Variants in KAT14 observed in about 807,000 individuals in gnomAD.
KAT14 encodes cysteine-rich protein 2-binding protein.
In KAT14, 66 loss-of-function variants were observed where a neutral mutation model predicts 78.4. That is an observed-to-expected ratio of 0.84 (90% CI 0.69 to 1.03). The LOEUF (loss-of-function observed/expected upper bound fraction) is 1.03. KAT14 is among the 50% of genes least tolerant of loss of function. KAT14 has a pLI of 0.00. For synonymous variants in KAT14, 344 were observed against 359.4 expected (o/e 0.96, Z 0.48); for missense variants, 870 against 972.5 (o/e 0.89, Z 1.40).
chr20:18,137,217 C>T (rs182694463), upstream of KAT14, among the ~76,000 whole-genome samples: 382 of 152,200 alleles, frequency 2.5e-3, 7 homozygotes, highest in Middle Eastern at 0.034. Flanking sequence ...TCGCTTGAAT[C>T]CGGTAAGGTT....
chr20:18,184,227 G>C (rs1267754535), intron 9 of KAT14, among the ~76,000 whole-genome samples: 3 of 152,168 alleles, frequency 2.0e-5, no homozygotes, highest in Non-Finnish European at 4.4e-5. Flanking sequence ...ACTTAACCCT[G>C]TCAGGTCTAG....
intron 5 of KAT14, among the ~76,000 whole-genome samples, chr20:18,161,011 C>G (rs904339780): frequency 6.6e-6 from 1 of 151,938 alleles, no homozygotes; most frequent in Admixed American, 6.5e-5. Context: ...CCCATCTGTA[C>G]AAAAATACAA....
intron 7 of KAT14, among the ~76,000 whole-genome samples, chr20:18,172,165 G>T (rs1270793737): frequency 3.4e-5 from 5 of 145,928 alleles, no homozygotes; most frequent in Non-Finnish European, 7.5e-5. Flanking sequence ...GCAGTGGTGC[G>T]ATCTCGGCTT....
At chr20:18,178,854 G>A (rs1167349329) in intron 7 of KAT14, among the ~76,000 whole-genome samples, 1 of 152,192 alleles carries the variant, frequency 6.6e-6, no homozygotes. Flanking sequence ...TAACCCGAAA[G>A]TCCATAGTCC....
chr20:18,183,851 A>G (rs867700780), intron 9 of KAT14, among the ~76,000 whole-genome samples: 26 of 152,258 alleles, frequency 1.7e-4, no homozygotes, highest in African/African-American at 6.0e-4. Context: ...ATTGCTAAAT[A>G]TAAACTATTC....
chr20:18,183,503 T>C (rs1184867863), intron 9 of KAT14: 7 of 984,790 alleles, frequency 7.1e-6, no homozygotes, highest in Non-Finnish European at 8.4e-6. Context: ...TGTTTTTGTT[T>C]GTTTCTCTTC....
chr20:18,138,273 C>A, intron 1 of KAT14: 2 of 1,221,262 alleles, frequency 1.6e-6, no homozygotes, highest in South Asian at 3.5e-5. Flanking sequence ...AGATTCAGGA[C>A]GACCCGGCTG....
chr20:18,142,189 C>G lies in KAT14; in HGVS notation c.-453-19C>G. ...CACCTGTTCGGGATGTTACTGAAAT[C>G]TGTTTCTTACGTTTTTAGAGGCTTC... On this transcript the variant is annotated intron_variant, in intron 1 of 10. Transcript: ENST00000688188. 1 of 1,534,204 alleles carries G rather than the reference C, an allele frequency of 6.5e-7. No individual in the cohort carries two copies. Among genetic ancestry groups the G allele is most frequent in the South Asian group, 1.2e-5 (1 of 83,718 alleles).
intron 3 of KAT14, among the ~76,000 whole-genome samples, chr20:18,148,493 T>C (rs1208913457): frequency 1.3e-5 from 2 of 152,186 alleles, no homozygotes; most frequent in East Asian, 3.9e-4. Flanking sequence ...ATATACTGAG[T>C]ACCTGCCAGC....
chr20:18,184,013 A>G (rs929337380), intron 9 of KAT14, among the ~76,000 whole-genome samples: 1 of 152,346 alleles, frequency 6.6e-6, no homozygotes, highest in East Asian at 1.9e-4. Context: ...AGCTGCACTC[A>G]TTCTTTTGGG....
At position 18,142,783 on chromosome 20, in the gene KAT14, A is replaced by G; in HGVS notation, c.123A>G (p.Glu41=). The G allele has an allele frequency of 6.2e-7, 1 of 1,614,218 alleles. No individual in the cohort carries two copies. Among genetic ancestry groups the G allele is most frequent in the South Asian group, 1.1e-5 (1 of 91,082 alleles). ...AGGGAGAGACGCTCCTGATCGTCGAATCCGAGGATCAGGCATCAGTGGACT... is the reference window on the plus strand; with the variant it reads ...AGGGAGAGACGCTCCTGATCGTCGAGTCCGAGGATCAGGCATCAGTGGACT... ...EVEGETLLIV[E]SEDQASVDLS... Residue 41 remains glutamate (E), a synonymous_variant, in exon 2 of 11, where the codon GAA becomes GAG. Coordinates refer to ENST00000688188, the MANE Select transcript of KAT14 (RefSeq NM_001392073.1).
At chr20:18,176,264 G>A (rs1385233022) in intron 7 of KAT14, among the ~76,000 whole-genome samples, 1 of 139,140 alleles carries the variant, frequency 7.2e-6, no homozygotes, top group African/African-American at 2.7e-5. Context: ...TGACACCTCT[G>A]CATTCCAGCT....
intron 10 of KAT14, among the ~76,000 whole-genome samples, chr20:18,185,529 A>T (rs553981326): frequency 7.6e-4 from 116 of 152,306 alleles, no homozygotes; most frequent in Non-Finnish European, 1.4e-3. Flanking sequence ...GATAGTTTGT[A>T]ATTTTACTAT....
chr20:18,138,226 C>T (rs2037373652), intron 1 of KAT14, 175 bp downstream of exon 1: 4 of 1,254,966 alleles, frequency 3.2e-6, no homozygotes, highest in Non-Finnish European at 4.0e-6. Flanking sequence ...TGCTGGGCTC[C>T]GGGCGCTGCA....
At chr20:18,160,378 G>C (rs1205230) in intron 5 of KAT14, among the ~76,000 whole-genome samples, 149,684 of 152,314 alleles carry the variant, frequency 0.98, 73,554 homozygotes, top group East Asian at 1. Flanking sequence ...CATTTTCTTA[G>C]TTTTTTAAAA....
chr20:18,165,499 G>C (rs1228904231), intron 7 of KAT14, among the ~76,000 whole-genome samples: 2 of 152,172 alleles, frequency 1.3e-5, no homozygotes, highest in East Asian at 3.8e-4. Context: ...TTCTCCCCTA[G>C]TGCGTACCCC....
At chr20:18,143,837 T>A (rs941684969) in intron 2 of KAT14, among the ~76,000 whole-genome samples, 11 of 151,732 alleles carry the variant, frequency 7.2e-5, no homozygotes, top group African/African-American at 2.7e-4. Flanking sequence ...TCCATGTTGG[T>A]CAGGCTGGTC....
At chr20:18,143,466 T>A (rs563795558) in intron 2 of KAT14, among the ~76,000 whole-genome samples, 1 of 150,676 alleles carries the variant, frequency 6.6e-6, no homozygotes, top group East Asian at 1.9e-4. Context: ...GATTTTCTTT[T>A]CTTTCTTTTT....
At position 18,183,244 on chromosome 20, in the gene KAT14, C is replaced by T. The variant is rs771055078; in HGVS notation, c.1927C>T (p.Arg643Trp). 13 of 1,613,936 alleles carry T rather than the reference C, an allele frequency of 8.1e-6. No homozygotes were observed. Among genetic ancestry groups the T allele is most frequent in the African/African-American group, 5.3e-5 (4 of 74,878 alleles). Residue 643 changes from arginine to tryptophan, a missense_variant, in exon 9 of 11, where the codon CGG becomes TGG. Transcript: ENST00000688188. Reference sequence around the variant, plus strand: ...CGCACCTCTCGATTACTGTTATGTGCGGCCAAATCACATCCCAACGATCAA... The same window carrying T: ...CGCACCTCTCGATTACTGTTATGTGTGGCCAAATCACATCCCAACGATCAA... ...PDAPLDYCYV[R>W]PNHIPTINSM...
Sources: gnomAD v4.1 joint callset for allele counts (sites outside exome capture counted in the v4.1 genomes callset) on GRCh38, gnomAD v4.1.1 for gene constraint, MANE v1.5 for transcripts, NCBI Gene and HGNC (gene_info 2026-07-23, HGNC 2026-07-21) for gene names.